The following TRHDE variants were observed in gnomAD, a reference collection of about 807,000 sequenced individuals.
TRHDE encodes the protein thyrotropin-releasing hormone-degrading ectoenzyme.
Under a neutral mutation model 125.7 loss-of-function variants are expected in TRHDE, and 72 were observed. The observed-to-expected ratio is 0.57, with a 90% confidence interval of 0.47 to 0.70. The LOEUF (loss-of-function observed/expected upper bound fraction) is 0.70, where lower values mean the gene tolerates loss of function less well. TRHDE is among the 30% of genes least tolerant of loss of function. The probability of loss-of-function intolerance (pLI) is 0.00; values close to 1 mark genes in which losing one functional copy is unlikely to be tolerated. For missense variants in TRHDE, 1,110 were observed against 1,327.1 expected (o/e 0.84, Z 2.54); for synonymous variants, 509 against 509.1 (o/e 1.00, Z 0.00).
chr12:72,104,158 A>T (rs953796999), intron 1 of TRHDE, among the ~76,000 whole-genome samples: 1 of 152,192 alleles, frequency 6.6e-6, no homozygotes, highest in Admixed American at 6.5e-5. Flanking sequence ...ATGGGTGTTC[A>T]AGCATAAATT....
At chr12:72,336,107 G>T (rs531824473) in intron 2 of TRHDE, among the ~76,000 whole-genome samples, 14 of 152,272 alleles carry the variant, frequency 9.2e-5, no homozygotes, top group African/African-American at 3.4e-4. Flanking sequence ...AATATAAGGA[G>T]AAAAGAATTT....
At chr12:72,319,545 C>G (rs557232259) in intron 2 of TRHDE, among the ~76,000 whole-genome samples, 1 of 152,250 alleles carries the variant, frequency 6.6e-6, no homozygotes, top group African/African-American at 2.4e-5. Context: ...TTTCTAGATA[C>G]TTTCTTAGGT....
At chr12:72,123,294 G>A (rs865817130) in intron 2 of TRHDE, among the ~76,000 whole-genome samples, 3 of 151,740 alleles carry the variant, frequency 2.0e-5, no homozygotes, top group African/African-American at 4.8e-5. Context: ...TTAATCCTAG[G>A]GAGCTGTGAA....
intron 2 of TRHDE, among the ~76,000 whole-genome samples, chr12:72,154,243 T>G (rs971323715): frequency 2.0e-5 from 3 of 152,194 alleles, no homozygotes; most frequent in East Asian, 1.9e-4. Context: ...GTTTTCCATT[T>G]GCTTGGTAGA....
chr12:72,104,154 GT>G (rs1875129030), intron 1 of TRHDE, among the ~76,000 whole-genome samples: 2 of 152,140 alleles, frequency 1.3e-5, no homozygotes, highest in Non-Finnish European at 2.9e-5. Context: ...TACAATGGGT[GT>G]TCAAGCATAA....
chr12:72,238,325 T>C (rs745675956), intron 2 of TRHDE, among the ~76,000 whole-genome samples: 1,850 of 32,198 alleles, frequency 0.057, 321 homozygotes, highest in African/African-American at 0.14. Context: ...TATATATACA[T>C]ATATATATAC....
In TRHDE at chr12:72,168,835, A is replaced by G. The variant is rs115835956; in HGVS notation, n.279+63083A>G. On this transcript the variant is annotated intron_variant and non_coding_transcript_variant, in intron 2 of 4. Coordinates refer to the TRHDE transcript ENST00000548156. ...TCCAAATGTAGACAATGTTTCTCAA[A>G]TGTTCTGCTCTAAGGTTAGGATTCT... 7.5e-3 allele frequency among the ~76,000 whole-genome samples: 1,149 copies of G among 152,280 alleles called. 11 individuals are homozygous for G. The highest frequency in any genetic ancestry group is 0.026 in the African/African-American group (1,074 of 41,554).
intron 4 of TRHDE, among the ~76,000 whole-genome samples, chr12:72,472,541 C>T (rs1394012369): frequency 6.6e-6 from 1 of 152,080 alleles, no homozygotes; most frequent in South Asian, 2.1e-4. Context: ...CTCTGAATAG[C>T]CTCTGCCACT....
chr12:72,668,473 G>C lies in TRHDE; in HGVS notation c.*5278G>C, dbSNP rs923239508. ...TTTATTTCAAATACTTCGTACTTTAGGGATAGTATTTTGAAGATGTTTATC... is the reference window on the plus strand; with the variant it reads ...TTTATTTCAAATACTTCGTACTTTACGGATAGTATTTTGAAGATGTTTATC... On this transcript the variant is annotated 3_prime_UTR_variant, in exon 19 of 19. Coordinates refer to ENST00000261180, the MANE Select transcript of TRHDE (RefSeq NM_013381.3). The C allele has an allele frequency of 2.0e-5, 3 of 151,598 alleles. No homozygotes were observed. The highest frequency in any genetic ancestry group is 4.4e-5 in the Non-Finnish European group (3 of 67,764). The allele number at this position is 151,598 out of a possible 1,614,324, so 9.4% of individuals were successfully genotyped here.
At chr12:72,544,487 AT>A (rs1352743558) in intron 7 of TRHDE, among the ~76,000 whole-genome samples, 1 of 151,534 alleles carries the variant, frequency 6.6e-6, no homozygotes, top group Non-Finnish European at 1.5e-5. Flanking sequence ...ACTACTTGCA[AT>A]TCCAAATTGC....
At chr12:72,534,889 A>G (rs1373161856) in intron 6 of TRHDE, among the ~76,000 whole-genome samples, 1 of 152,092 alleles carries the variant, frequency 6.6e-6, no homozygotes, top group African/African-American at 2.4e-5. Context: ...AGGAATGCTC[A>G]TGGGATAATG....
At chr12:72,412,748 G>A (rs1183652598) in intron 3 of TRHDE, among the ~76,000 whole-genome samples, 2 of 151,948 alleles carry the variant, frequency 1.3e-5, no homozygotes, top group African/African-American at 4.8e-5. Flanking sequence ...ACATGTATAA[G>A]TCCCATAAAG....
At chr12:72,416,635 T>C (rs970110562) in intron 3 of TRHDE, among the ~76,000 whole-genome samples, 2 of 152,118 alleles carry the variant, frequency 1.3e-5, no homozygotes, top group Admixed American at 1.3e-4. Flanking sequence ...TTGAAGAGTG[T>C]CCTTTCTCCA....
chr12:72,505,852 C>T (rs939029014), intron 6 of TRHDE, among the ~76,000 whole-genome samples: 3 of 152,166 alleles, frequency 2.0e-5, no homozygotes, highest in African/African-American at 7.2e-5. Flanking sequence ...GGCCAATCAT[C>T]CATTTGTATC....
intron 2 of TRHDE, among the ~76,000 whole-genome samples, chr12:72,322,357 G>A (rs1482724487): frequency 2.0e-5 from 3 of 152,022 alleles, no homozygotes; most frequent in Non-Finnish European, 4.4e-5. Context: ...CAAATGTAGT[G>A]CTTTAGTGCT....
chr12:72,378,904 TAA>T (rs1182967578), intron 3 of TRHDE, among the ~76,000 whole-genome samples: 1 of 152,176 alleles, frequency 6.6e-6, no homozygotes, highest in Non-Finnish European at 1.5e-5. Context: ...TCCAGGAAGT[TAA>T]AAGAGTACCT....
intron 2 of TRHDE, among the ~76,000 whole-genome samples, chr12:72,206,952 A>G (rs1221021133): frequency 3.3e-5 from 5 of 152,248 alleles, no homozygotes; most frequent in Admixed American, 1.3e-4. Context: ...AAGCAACTGG[A>G]ACTACATGAT....
intron 6 of TRHDE, among the ~76,000 whole-genome samples, chr12:72,538,546 CAG>C (rs1009602262): frequency 6.6e-6 from 1 of 151,964 alleles, no homozygotes; most frequent in Non-Finnish European, 1.5e-5. Context: ...TTTCTCTTGG[CAG>C]ACTCTCCCAC....
chr12:72,131,162 C>T (rs376620787), intron 2 of TRHDE, among the ~76,000 whole-genome samples: 28 of 149,882 alleles, frequency 1.9e-4, no homozygotes, highest in African/African-American at 6.9e-4. Context: ...AGCTCCGCCT[C>T]CCGGGTTCAC....
Sources: gnomAD v4.1 joint callset for allele counts (sites outside exome capture counted in the v4.1 genomes callset) on GRCh38, gnomAD v4.1.1 for gene constraint, MANE v1.5 for transcripts, NCBI Gene and HGNC (gene_info 2026-07-23, HGNC 2026-07-21) for gene names.